The following TENM3 variants were observed in gnomAD, a reference collection of about 807,000 sequenced individuals.
TENM3 encodes the protein teneurin transmembrane protein 3, also known as teneurin-3.
Under a neutral mutation model 255.1 loss-of-function variants are expected in TENM3, and 63 were observed. The ratio of observed to expected loss-of-function variants is 0.25; its 90% confidence interval spans 0.20 to 0.30. The LOEUF is 0.30. Among genes scored for constraint, TENM3 ranks in the 10% least tolerant of loss-of-function variants. The pLI is 1.00. For missense variants in TENM3, 2,929 were observed against 3,461.1 expected (o/e 0.85, Z 3.86); for synonymous variants, 1,306 against 1,322.3 (o/e 0.99, Z 0.27).
At chr4:182,072,580 T>G in the TENM3 span, among the ~76,000 whole-genome samples, 3 of 152,206 alleles carry the variant, frequency 2.0e-5, no homozygotes, top group African/African-American at 7.2e-5. Flanking sequence ...AATATATACT[T>G]CCACTCTAGG....
the TENM3 span, among the ~76,000 whole-genome samples, chr4:181,963,689 C>A: frequency 6.6e-6 from 1 of 152,198 alleles, no homozygotes; most frequent in Middle Eastern, 3.4e-3. Flanking sequence ...ATATTAAATC[C>A]AAGTCTCCAT....
At chr4:182,293,126 T>C (rs1316611250) in intron 1 of TENM3, among the ~76,000 whole-genome samples, 1 of 152,208 alleles carries the variant, frequency 6.6e-6, no homozygotes, top group Non-Finnish European at 1.5e-5. Context: ...TTTTAATCCC[T>C]ACTTTTTAGC....
chr4:182,118,126 AATAATT>A, the TENM3 span, among the ~76,000 whole-genome samples: 7 of 152,102 alleles, frequency 4.6e-5, no homozygotes, highest in African/African-American at 1.7e-4. Flanking sequence ...CTATAATTAT[AATAATT>A]ATAATTATGA....
the TENM3 span, among the ~76,000 whole-genome samples, chr4:182,096,408 A>G: frequency 6.6e-6 from 1 of 152,230 alleles, no homozygotes; most frequent in African/African-American, 2.4e-5. Flanking sequence ...AAAGGAAAAT[A>G]ACCATTTCAA....
the TENM3 span, among the ~76,000 whole-genome samples, chr4:181,526,719 T>C: frequency 6.6e-6 from 1 of 152,100 alleles, no homozygotes; most frequent in African/African-American, 2.4e-5. Flanking sequence ...TTTATAACTA[T>C]AGGATTGGTT....
intron 3 of TENM3, among the ~76,000 whole-genome samples, chr4:182,596,644 C>T (rs9312301): frequency 0.064 from 9,691 of 152,144 alleles, 341 homozygotes; most frequent in Admixed American, 0.082. Flanking sequence ...CTACAGCAAG[C>T]GTGGCTAGAG....
At chr4:181,806,256 G>A in the TENM3 span, among the ~76,000 whole-genome samples, 1 of 152,124 alleles carries the variant, frequency 6.6e-6, no homozygotes, top group Non-Finnish European at 1.5e-5. Flanking sequence ...AAGCCCCAAG[G>A]AGCTGCGTTT....
the TENM3 span, among the ~76,000 whole-genome samples, chr4:181,495,415 C>G: frequency 6.6e-6 from 1 of 152,152 alleles, no homozygotes; most frequent in African/African-American, 2.4e-5. Flanking sequence ...AAGCATTCTC[C>G]TCTTCTGTGA....
the TENM3 span, among the ~76,000 whole-genome samples, chr4:181,496,002 C>T: frequency 6.6e-6 from 1 of 150,984 alleles, no homozygotes; most frequent in African/African-American, 2.4e-5. Context: ...CCCAAATGAA[C>T]TCAGAGTGGC....
At chr4:182,703,124 G>A (rs980929061) in intron 12 of TENM3, among the ~76,000 whole-genome samples, 1 of 152,172 alleles carries the variant, frequency 6.6e-6, no homozygotes, top group Non-Finnish European at 1.5e-5. Flanking sequence ...TAGTGGAATA[G>A]ATGAAAATTA....
the TENM3 span, among the ~76,000 whole-genome samples, chr4:181,913,491 G>A: frequency 6.6e-6 from 1 of 152,144 alleles, no homozygotes; most frequent in African/African-American, 2.4e-5. Context: ...CCCTACTGCT[G>A]TGTCTTTTCC....
the TENM3 span, among the ~76,000 whole-genome samples, chr4:181,952,978 G>A: frequency 1.1e-4 from 17 of 152,142 alleles, no homozygotes; most frequent in Non-Finnish European, 2.1e-4. Flanking sequence ...ATGGCCCCAC[G>A]GGGGCTACTG....
At chr4:182,738,743 A>C (rs909550399) in intron 18 of TENM3, among the ~76,000 whole-genome samples, 199 bp downstream of exon 18, 1 of 152,198 alleles carries the variant, frequency 6.6e-6, no homozygotes, top group Non-Finnish European at 1.5e-5. Flanking sequence ...TACTTTCTTA[A>C]TATACTTTAA....
At chr4:182,243,724 G>A (rs970020661) in intron 1 of TENM3, among the ~76,000 whole-genome samples, 8 of 152,114 alleles carry the variant, frequency 5.3e-5, no homozygotes, top group African/African-American at 1.9e-4. Context: ...CAAAAATACT[G>A]TGAACTATTC....
chr4:182,025,089 C>T, the TENM3 span, among the ~76,000 whole-genome samples: 29,282 of 144,094 alleles, frequency 0.2, 3,275 homozygotes, highest in African/African-American at 0.33. Context: ...AGTGCAGTGG[C>T]GCGACCTCGG....
At chr4:181,885,929 A>T in the TENM3 span, among the ~76,000 whole-genome samples, 3 of 152,126 alleles carry the variant, frequency 2.0e-5, no homozygotes, top group Non-Finnish European at 4.4e-5. Context: ...GTGCAGTCCC[A>T]CACATGTGTT....
At chr4:181,609,813 A>G in the TENM3 span, among the ~76,000 whole-genome samples, 440 of 152,362 alleles carry the variant, frequency 2.9e-3, no homozygotes, top group Non-Finnish European at 5.0e-3. Context: ...TTCGATTTTA[A>G]CAAATGTATG....
chr4:181,834,878 C>A, the TENM3 span: 4 of 152,142 alleles, frequency 2.6e-5, no homozygotes, highest in Non-Finnish European at 5.9e-5. Flanking sequence ...TTTTTCCATC[C>A]TAGTAGGTTC....
At chr4:182,779,051 CCTTTT>C (rs201339866) in intron 24 of TENM3, among the ~76,000 whole-genome samples, 8,502 of 124,040 alleles carry the variant, frequency 0.069, 737 homozygotes, top group African/African-American at 0.24. Flanking sequence ...TTTTTTTTTT[CCTTTT>C]CTTTTTTTTT....
Sources: gnomAD v4.1 joint callset for allele counts (sites outside exome capture counted in the v4.1 genomes callset) on GRCh38, gnomAD v4.1.1 for gene constraint, MANE v1.5 for transcripts, NCBI Gene and HGNC (gene_info 2026-07-23, HGNC 2026-07-21) for gene names.